Variants in KIF14 observed in about 807,000 individuals in gnomAD.
KIF14 encodes the protein kinesin-like protein KIF14.
Under a neutral mutation model 176.2 loss-of-function variants are expected in KIF14, and 98 were observed. That is an observed-to-expected ratio of 0.56 (90% CI 0.47 to 0.66). The LOEUF is 0.66. Among genes scored for constraint, KIF14 ranks in the 30% least tolerant of loss-of-function variants. The pLI, the probability that KIF14 is intolerant of heterozygous loss-of-function variation, is 0.00. For missense variants in KIF14, 1,751 were observed against 1,920.4 expected, an observed-to-expected ratio of 0.91 and a Z score of 1.65; for synonymous variants, 566 against 632.2, an observed-to-expected ratio of 0.90 and a Z score of 1.57.
chr1:200,590,642 G>A (rs1038938699), intron 16 of KIF14, among the ~76,000 whole-genome samples: 1 of 152,186 alleles, frequency 6.6e-6, no homozygotes, highest in Admixed American at 6.6e-5. Context: ...GGAGAGAGGA[G>A]AATGGCTATT....
Position 200,559,317 on chromosome 1 carries a change from T to C in KIF14, c.4353+13A>G, listed in dbSNP as rs1439195671. The C allele has an allele frequency of 3.9e-6, 6 of 1,534,336 alleles. No homozygotes were observed. In the South Asian group the frequency reaches 6.5e-5, roughly 17 times the overall value. ...ATTTAGTACTGTACAGAATATTCTT[T>C]TATTCATCTTACCTCATTTTTTGTA... On this transcript the variant is annotated intron_variant, in intron 27 of 29. Transcript: ENST00000367350.
At chr1:200,570,511 C>A (rs1480009515) in intron 22 of KIF14, among the ~76,000 whole-genome samples, 1 of 152,114 alleles carries the variant, frequency 6.6e-6, no homozygotes, top group African/African-American at 2.4e-5. Flanking sequence ...CAGACACAAG[C>A]AACAGGAAGA....
intron 4 of KIF14, among the ~76,000 whole-genome samples, chr1:200,613,585 C>T (rs1660262779): frequency 6.6e-6 from 1 of 152,134 alleles, no homozygotes; most frequent in Non-Finnish European, 1.5e-5. Flanking sequence ...TCCCAATTTC[C>T]TTTATCATAA....
In KIF14 at chr1:200,618,857, AT is replaced by A; in HGVS notation, c.-115-20del. 1 of 697,394 alleles carries A rather than the reference AT, an allele frequency of 1.4e-6. No homozygotes were observed. 43.2% of individuals were successfully genotyped at this position (697,394 alleles called of 1,614,324 possible). ...TGCTAAACTAAAAGAAAAAAAAAAG[AT>A]TTAGATCACACAGACTACAAACAAG... is the stretch of plus-strand genomic sequence containing the variant. On this transcript the variant is annotated intron_variant, in intron 1 of 29. Coordinates refer to ENST00000367350, the MANE Select transcript of KIF14 (RefSeq NM_014875.3).
chr1:200,618,974 C>T (rs1251625403), intron 1 of KIF14, 136 bp from the exon 2 acceptor site: 1 of 352,262 alleles, frequency 2.8e-6, no homozygotes, highest in Admixed American at 4.3e-5. Flanking sequence ...TCAGATACTG[C>T]TTCCAAGCAA....
intron 13 of KIF14, among the ~76,000 whole-genome samples, chr1:200,599,620 T>C (rs967144481): frequency 1.3e-5 from 2 of 152,240 alleles, no homozygotes; most frequent in African/African-American, 4.8e-5. Flanking sequence ...ATGCTTTACC[T>C]ACAAAAATGG....
chr1:200,608,783 T>C (rs765489137), intron 5 of KIF14, 47 bp downstream of exon 5: 1 of 1,172,520 alleles, frequency 8.5e-7, no homozygotes, highest in Non-Finnish European at 1.3e-6. Context: ...TAGATACATT[T>C]ATAAGAACAG....
intron 25 of KIF14, 73 bp from the exon 26 acceptor site, chr1:200,560,953 G>A (rs1240607699): frequency 2.1e-5 from 30 of 1,396,792 alleles, no homozygotes; most frequent in East Asian, 4.6e-5. Flanking sequence ...GATAAGGGCC[G>A]GGCACAGCGG....
At chr1:200,581,761 CTTTTTTTTTTTT>C (rs66935478) in intron 19 of KIF14, among the ~76,000 whole-genome samples, 1 of 83,048 alleles carries the variant, frequency 1.2e-5, no homozygotes, top group South Asian at 4.6e-4. Context: ...TTTCACTTTC[CTTTTTTTTTTTT>C]TTTTTTTTTT....
intron 25 of KIF14, among the ~76,000 whole-genome samples, chr1:200,561,565 G>GAAAAAAAAAA (rs11296476): frequency 7.5e-6 from 1 of 132,680 alleles, no homozygotes; most frequent in African/African-American, 3.0e-5. Context: ...GAAAAGAGAA[G>GAAAAAAAAAA]AAAAAAAAAA....
chr1:200,611,782 T>C (rs887297125), intron 4 of KIF14, among the ~76,000 whole-genome samples: 1 of 152,202 alleles, frequency 6.6e-6, no homozygotes, highest in African/African-American at 2.4e-5. Flanking sequence ...CCACATTTAG[T>C]TGGGCTCACT....
intron 16 of KIF14, 39 bp downstream of exon 16, chr1:200,592,041 T>C: frequency 6.5e-7 from 1 of 1,528,694 alleles, no homozygotes; most frequent in Non-Finnish European, 8.9e-7. Flanking sequence ...TGTAGATCTC[T>C]CTCATACACT....
rs769650985 is a variant in KIF14, at chr1:200,615,413, C to G, written c.1309G>C (p.Glu437Gln). ...GCAAAAAGACAGGTATTGAAGCCTT[C>G]GAAGGCTCTTTCTAGGAGTGGTGCT... ...LAAPLLERAF[E>Q]GFNTCLFAYG... is the part of the protein sequence containing the mutation. The change falls in exon 3 of 30, where the codon GAA becomes CAA. Residue 437 changes from glutamate (E) to glutamine (Q), a missense_variant. Transcript: ENST00000367350. The G allele has an allele frequency of 1.9e-6, 3 of 1,614,064 alleles. No individual in the cohort carries two copies. The highest frequency in any genetic ancestry group is 2.2e-5 in the South Asian group (2 of 91,070).
Position 200,617,821 on chromosome 1 carries a change from T to A in KIF14, c.903A>T (p.Pro301=), listed in dbSNP as rs756112634. The A allele has an allele frequency of 6.2e-7, 1 of 1,614,222 alleles. No homozygotes were observed. The highest frequency in any genetic ancestry group is 1.1e-5 in the South Asian group (1 of 91,088). The change falls in exon 2 of 30, where the codon CCA becomes CCT. Residue 301 remains proline, a synonymous_variant. Coordinates refer to ENST00000367350, the MANE Select transcript of KIF14 (RefSeq NM_014875.3). Reference sequence around the variant, plus strand: ...TAGACATTCTATTCTTCAGTATTGATGGAGCTGGGCTCTTAAGCTGAGGCA... The same window carrying A: ...TAGACATTCTATTCTTCAGTATTGAAGGAGCTGGGCTCTTAAGCTGAGGCA... ...CSLPQLKSPA[P]SILKNRMSNL...
Position 200,615,293 on chromosome 1 carries a change from G to A in KIF14, c.1367+62C>T, listed in dbSNP as rs1343878635. On this transcript the variant is annotated intron_variant, in intron 3 of 29. Coordinates refer to ENST00000367350, the MANE Select transcript of KIF14 (RefSeq NM_014875.3). ...ACTATATTCTTTCTATCACCCCTATGCCACTTCTCACAAAAGTATATTTAA... is the reference window on the plus strand; with the variant it reads ...ACTATATTCTTTCTATCACCCCTATACCACTTCTCACAAAAGTATATTTAA... 5 of 1,470,000 alleles carry A rather than the reference G, an allele frequency of 3.4e-6. No individual in the cohort carries two copies. In the East Asian group the frequency reaches 6.8e-5, roughly 20 times the overall value. The allele number at this position is 1,470,000 out of a possible 1,614,324, so 91.1% of individuals were successfully genotyped here.
chr1:200,559,457 A>T lies in KIF14; in HGVS notation c.4231-5T>A. On this transcript the variant is annotated splice_polypyrimidine_tract_variant and splice_region_variant and intron_variant, in intron 26 of 29. Coordinates refer to ENST00000367350, the MANE Select transcript of KIF14 (RefSeq NM_014875.3). Reference sequence around the variant, plus strand: ...AACAGCATCCATGAATTCCTCCTAGAAAAAGAATTTAAGCATTAACTAGAA... The same window carrying T: ...AACAGCATCCATGAATTCCTCCTAGTAAAAGAATTTAAGCATTAACTAGAA... 1 of 1,469,262 alleles carries T rather than the reference A, an allele frequency of 6.8e-7. No individual in the cohort carries two copies. Among genetic ancestry groups the T allele is most frequent in the Non-Finnish European group, 9.0e-7 (1 of 1,108,090 alleles). 91.0% of individuals were successfully genotyped at this position (1,469,262 alleles called of 1,614,324 possible).
At chr1:200,573,727 G>C (rs1238500320) in intron 22 of KIF14, among the ~76,000 whole-genome samples, 1 of 152,160 alleles carries the variant, frequency 6.6e-6, no homozygotes, top group East Asian at 1.9e-4. Flanking sequence ...AATAATGGGG[G>C]AAAGTTGCTA....
chr1:200,572,470 G>A (rs1657851670), intron 22 of KIF14, among the ~76,000 whole-genome samples: 1 of 151,988 alleles, frequency 6.6e-6, no homozygotes, highest in Non-Finnish European at 1.5e-5. Context: ...TCAGCCTCCC[G>A]AGTAGCTGGG....
rs771733958 is a variant in KIF14, at chr1:200,575,652, G to A, written c.3505C>T (p.Pro1169Ser). The A allele has an allele frequency of 6.3e-7, 1 of 1,588,644 alleles. No homozygotes were observed. Among genetic ancestry groups the A allele is most frequent in the Non-Finnish European group, 8.6e-7 (1 of 1,163,780 alleles). The change falls in exon 22 of 30, where the codon CCT (proline) becomes TCT (serine). Residue 1169 changes from proline (P) to serine (S), a missense_variant. Coordinates refer to ENST00000367350, the MANE Select transcript of KIF14 (RefSeq NM_014875.3). ...ATGTCGGGTTCCCATTCATCTTCAG[G>A]ATCACAAAAGGCATCTTCACCCCTG... Reference protein sequence around the residue: ...SNRGEDAFCDPEDEWEPDITD... With the variant: ...SNRGEDAFCDSEDEWEPDITD...
Sources: gnomAD v4.1 joint callset for allele counts (sites outside exome capture counted in the v4.1 genomes callset) on GRCh38, gnomAD v4.1.1 for gene constraint, MANE v1.5 for transcripts, NCBI Gene and HGNC (gene_info 2026-07-23, HGNC 2026-07-21) for gene names.